ODAD2: variants seen among roughly 807,000 people sequenced by gnomAD.
The protein encoded by ODAD2 is outer dynein arm-docking complex subunit 2.
ODAD2 carries 89 observed loss-of-function variants against 106.8 expected under a neutral mutation model. The ratio of observed to expected loss-of-function variants is 0.83; its 90% confidence interval spans 0.70 to 0.99. The LOEUF (loss-of-function observed/expected upper bound fraction) is 0.99, where lower values mean the gene tolerates loss of function less well. Among genes scored for constraint, ODAD2 ranks in the 50% least tolerant of loss-of-function variants. The pLI, the probability that ODAD2 is intolerant of heterozygous loss-of-function variation, is 0.00. For missense variants in ODAD2, 1,168 were observed against 1,238.5 expected (o/e 0.94, Z 0.85); for synonymous variants, 404 against 436.2 (o/e 0.93, Z 0.92).
intron 17 of ODAD2, among the ~76,000 whole-genome samples, chr10:27,873,597 C>G (rs1040362789): frequency 1.3e-5 from 2 of 151,328 alleles, no homozygotes; most frequent in Admixed American, 1.3e-4. Flanking sequence ...TTATTTCTGC[C>G]TTCATTTCAT....
chr10:27,933,778 CA>C (rs1845768087), intron 16 of ODAD2, among the ~76,000 whole-genome samples: 1 of 152,164 alleles, frequency 6.6e-6, no homozygotes, highest in Admixed American at 6.5e-5. Flanking sequence ...TTTACAAGTC[CA>C]GCCAGTATGC....
At chr10:27,978,886 A>C (rs551397337) in intron 7 of ODAD2, among the ~76,000 whole-genome samples, 1 of 151,908 alleles carries the variant, frequency 6.6e-6, no homozygotes, top group Non-Finnish European at 1.5e-5. Flanking sequence ...ATCAGGCTCA[A>C]TGGTGAAAGC....
At chr10:27,825,647 T>A (rs1836981347) in intron 19 of ODAD2, among the ~76,000 whole-genome samples, 1 of 152,208 alleles carries the variant, frequency 6.6e-6, no homozygotes, top group Admixed American at 6.5e-5. Flanking sequence ...GTAAAAAGGG[T>A]TGAGTTCCAA....
At chr10:27,875,821 C>T (rs899738116) in intron 17 of ODAD2, among the ~76,000 whole-genome samples, 2 of 152,312 alleles carry the variant, frequency 1.3e-5, no homozygotes, top group Non-Finnish European at 2.9e-5. Flanking sequence ...AGAGATGGCA[C>T]CTGGAAAATC....
chr10:27,909,307 AT>A (rs1255838166), intron 16 of ODAD2, among the ~76,000 whole-genome samples: 3 of 152,188 alleles, frequency 2.0e-5, no homozygotes, highest in Non-Finnish European at 4.4e-5. Context: ...GATGGCACAA[AT>A]TTGCAATTTA....
chr10:27,814,168 G>T (rs560864972), intron 19 of ODAD2, among the ~76,000 whole-genome samples: 1 of 152,144 alleles, frequency 6.6e-6, no homozygotes, highest in South Asian at 2.1e-4. Context: ...AGGGAAACAG[G>T]GACCCTCCGC....
At chr10:27,950,025 C>CAG (rs1847218508) in intron 10 of ODAD2, among the ~76,000 whole-genome samples, 1 of 152,114 alleles carries the variant, frequency 6.6e-6, no homozygotes, top group African/African-American at 2.4e-5. Context: ...TGATCAGGAC[C>CAG]AGAGGCCTCT....
intron 10 of ODAD2, among the ~76,000 whole-genome samples, chr10:27,955,285 C>T (rs530900388): frequency 1.3e-5 from 2 of 152,158 alleles, no homozygotes; most frequent in South Asian, 4.1e-4. Flanking sequence ...ATATGGCCTT[C>T]CAAACATGAA....
At chr10:27,821,716 T>C (rs547193407) in intron 19 of ODAD2, among the ~76,000 whole-genome samples, 1 of 152,360 alleles carries the variant, frequency 6.6e-6, no homozygotes, top group Admixed American at 6.5e-5. Flanking sequence ...GAAAGTGAAC[T>C]ACAAATTTGG....
chr10:27,987,202 G>C (rs1189215321), intron 3 of ODAD2, among the ~76,000 whole-genome samples, 184 bp downstream of exon 3: 1 of 152,208 alleles, frequency 6.6e-6, no homozygotes, highest in African/African-American at 2.4e-5. Context: ...TTTGATAGGA[G>C]CATAATATTG....
At chr10:27,978,732 C>T (rs539925607) in intron 7 of ODAD2, among the ~76,000 whole-genome samples, 1 of 152,168 alleles carries the variant, frequency 6.6e-6, no homozygotes, top group Non-Finnish European at 1.5e-5. Context: ...GCAGAGGTTG[C>T]AGTGAGCCAA....
At chr10:27,917,334 T>C (rs1254553506) in intron 16 of ODAD2, among the ~76,000 whole-genome samples, 1 of 152,038 alleles carries the variant, frequency 6.6e-6, no homozygotes, top group Non-Finnish European at 1.5e-5. Context: ...TAAATAAAAA[T>C]GAAATCACAA....
intron 17 of ODAD2, among the ~76,000 whole-genome samples, chr10:27,871,234 C>A (rs1196228243): frequency 6.6e-6 from 1 of 151,954 alleles, no homozygotes; most frequent in East Asian, 1.9e-4. Flanking sequence ...TGTTTGAGTT[C>A]TTTGTAGATT....
chr10:27,946,521 G>T lies in ODAD2; in HGVS notation c.1387-1559C>A, dbSNP rs567209495. 2.0e-5 allele frequency among the ~76,000 whole-genome samples: 3 copies of T among 151,906 alleles called. No individual in the cohort carries two copies. In the East Asian group the frequency reaches 5.8e-4, roughly 29 times the overall value. On this transcript the variant is annotated intron_variant, in intron 10 of 19. Transcript: ENST00000305242. ...CACCTTAAACACATCTTTTTTTGTGGTGGGAACTTTACAATTCCTCCCTTC... is the reference window on the plus strand; with the variant it reads ...CACCTTAAACACATCTTTTTTTGTGTTGGGAACTTTACAATTCCTCCCTTC...
At chr10:27,846,847 A>C (rs561169398) in intron 19 of ODAD2, among the ~76,000 whole-genome samples, 3 of 151,710 alleles carry the variant, frequency 2.0e-5, no homozygotes, top group Non-Finnish European at 4.4e-5. Flanking sequence ...ATTCCTGGAC[A>C]CATACACCCT....
chr10:27,938,558 C>T (rs1030909730), intron 14 of ODAD2, among the ~76,000 whole-genome samples: 5 of 152,098 alleles, frequency 3.3e-5, no homozygotes, highest in Non-Finnish European at 4.4e-5. Context: ...CAACCTAATA[C>T]AATCCTCTAC....
chr10:27,910,143 A>G (rs1394592654), intron 16 of ODAD2, among the ~76,000 whole-genome samples: 1 of 152,104 alleles, frequency 6.6e-6, no homozygotes, highest in Non-Finnish European at 1.5e-5. Flanking sequence ...CTCAATTTCA[A>G]TCCATCTTAT....
chr10:27,847,778 C>T (rs1838893437), intron 19 of ODAD2, among the ~76,000 whole-genome samples: 1 of 152,012 alleles, frequency 6.6e-6, no homozygotes. Flanking sequence ...ACACCAATAA[C>T]AGACAAACAG....
At chr10:27,907,111 A>G (rs1843655527) in intron 17 of ODAD2, among the ~76,000 whole-genome samples, 1 of 152,268 alleles carries the variant, frequency 6.6e-6, no homozygotes, top group Non-Finnish European at 1.5e-5. Flanking sequence ...AATAGGCTCA[A>G]AAGTGATCTT....
Sources: allele counts gnomAD v4.1 joint callset (sites outside exome capture counted in the v4.1 genomes callset), GRCh38; gene constraint gnomAD v4.1.1; transcripts MANE v1.5; gene names NCBI Gene and HGNC (gene_info 2026-07-23, HGNC 2026-07-21).